Variants in TRIM33 observed in about 807,000 individuals in gnomAD.
TRIM33 encodes tripartite motif containing 33, also known as E3 ubiquitin-protein ligase TRIM33.
TRIM33 carries 20 observed loss-of-function variants against 125.4 expected under a neutral mutation model. The ratio of observed to expected loss-of-function variants is 0.16; its 90% CI spans 0.11 to 0.23. The LOEUF (loss-of-function observed/expected upper bound fraction) is 0.23. Ranked by LOEUF, TRIM33 falls within the 10% of genes least tolerant of loss-of-function variation. The pLI is 1.00. For synonymous variants in TRIM33, 564 were observed against 513.9 expected (o/e 1.10, Z -1.32); for missense variants, 920 against 1,411.4 (o/e 0.65, Z 5.58).
chr1:114,495,870 T>C (rs1488373736), intron 1 of TRIM33, among the ~76,000 whole-genome samples: 1 of 152,210 alleles, frequency 6.6e-6, no homozygotes, highest in African/African-American at 2.4e-5. Flanking sequence ...AAATATCTGG[T>C]TTACTGAAAT....
chr1:114,449,225 A>T (rs1255570271), intron 4 of TRIM33, among the ~76,000 whole-genome samples: 2 of 152,204 alleles, frequency 1.3e-5, no homozygotes, highest in Admixed American at 1.3e-4. Flanking sequence ...GAGATGTGAA[A>T]GAAAAAAAAA....
intron 11 of TRIM33, among the ~76,000 whole-genome samples, chr1:114,413,314 T>C (rs1652703846): frequency 6.6e-6 from 1 of 151,976 alleles, no homozygotes; most frequent in African/African-American, 2.4e-5. Flanking sequence ...ATCCCAGCAC[T>C]TTAGGAGGCC....
intron 1 of TRIM33, among the ~76,000 whole-genome samples, chr1:114,476,220 GAA>G (rs58538418): frequency 0.017 from 2,324 of 138,290 alleles, 49 homozygotes; most frequent in African/African-American, 0.052. Context: ...AAACAAATAA[GAA>G]AAAAAAAAAC....
chr1:114,441,422 T>C (rs1352098923), intron 4 of TRIM33, among the ~76,000 whole-genome samples: 2 of 152,352 alleles, frequency 1.3e-5, no homozygotes, highest in African/African-American at 2.4e-5. Flanking sequence ...TTCCTTTCCT[T>C]ACATTTTAAT....
intron 15 of TRIM33, chr1:114,404,457 A>T (rs963791117): frequency 2.0e-5 from 3 of 152,162 alleles, no homozygotes; most frequent in Non-Finnish European, 4.4e-5. Context: ...ATTTACGCCA[A>T]CATTTTACAA....
chr1:114,432,167 T>C (rs770587909), intron 5 of TRIM33, among the ~76,000 whole-genome samples: 1 of 152,230 alleles, frequency 6.6e-6, no homozygotes, highest in Non-Finnish European at 1.5e-5. Context: ...TGCAATCTTG[T>C]AACAGGTAAA....
rs115227797 is a variant in TRIM33 at position 114,396,455 on chromosome 1, C to G, written c.*1193G>C. 1 of 195,604 alleles carries G rather than the reference C, an allele frequency of 5.1e-6. No individual in the cohort carries two copies. The highest frequency in any genetic ancestry group is 1.1e-5 in the Non-Finnish European group (1 of 93,914). The allele number at this position is 195,604 out of a possible 1,614,324, so 12.1% of individuals were successfully genotyped here. On this transcript the variant is annotated 3_prime_UTR_variant, in exon 20 of 20. Coordinates refer to ENST00000358465, the MANE Select transcript of TRIM33 (RefSeq NM_015906.4). ...CCCCACCGGGTTTATTTCAATATTT[C>G]GATATTTCAATAATAAGCTGCTTCT... is the stretch of plus-strand genomic sequence containing the variant.
At chr1:114,443,417 GAAT>G (rs1362048062) in intron 4 of TRIM33, among the ~76,000 whole-genome samples, 2 of 151,986 alleles carry the variant, frequency 1.3e-5, no homozygotes, top group African/African-American at 4.8e-5. Flanking sequence ...ATGAATGAAT[GAAT>G]GAGATGGTGT....
chr1:114,486,755 G>T (rs1387993640), intron 1 of TRIM33, among the ~76,000 whole-genome samples: 1 of 152,040 alleles, frequency 6.6e-6, no homozygotes, highest in African/African-American at 2.4e-5. Flanking sequence ...CACCAGAGCT[G>T]CAGAGTTCCA....
At chr1:114,401,360 C>T (rs1263857411) in intron 17 of TRIM33, 29 bp downstream of exon 17, 1 of 1,594,730 alleles carries the variant, frequency 6.3e-7, no homozygotes, top group Non-Finnish European at 8.6e-7. Context: ...TGAGACTTCC[C>T]CACCGAGCTA....
intron 1 of TRIM33, among the ~76,000 whole-genome samples, chr1:114,486,474 A>C (rs1651694531): frequency 6.7e-6 from 1 of 149,232 alleles, no homozygotes; most frequent in African/African-American, 2.5e-5. Flanking sequence ...AATATACAAA[A>C]ATTAGCCGGT....
chr1:114,458,791 C>A (rs892641799), intron 4 of TRIM33, among the ~76,000 whole-genome samples: 16 of 152,134 alleles, frequency 1.1e-4, no homozygotes, highest in Non-Finnish European at 1.3e-4. Flanking sequence ...ATACTGAACA[C>A]TTAAACTTTG....
intron 5 of TRIM33, among the ~76,000 whole-genome samples, chr1:114,431,932 A>G (rs1262331410): frequency 6.6e-6 from 1 of 152,222 alleles, no homozygotes; most frequent in East Asian, 1.9e-4. Context: ...ATCACTAAGC[A>G]TGCTGAAAAC....
At position 114,510,800 on chromosome 1, in the gene TRIM33, C is replaced by T. The variant is rs1438314421; in HGVS notation, c.277G>A (p.Ala93Thr). 4.6e-6 allele frequency: 7 copies of T among 1,518,066 alleles called. No homozygotes were observed. The highest frequency in any genetic ancestry group is 6.1e-6 in the Non-Finnish European group (7 of 1,138,974). 94.0% of individuals were successfully genotyped at this position (1,518,066 alleles called of 1,614,324 possible). ...ASVGTGVAGG[A>T]VSTPAPAPAS... is the part of the protein sequence containing the mutation. ...GGAGCTGGAGCCGGCGTCGATACTGCGCCCCCGGCAACTCCAGTGCCCACT... is the reference window on the plus strand; with the variant it reads ...GGAGCTGGAGCCGGCGTCGATACTGTGCCCCCGGCAACTCCAGTGCCCACT... The change falls in exon 1 of 20, where the codon GCA (alanine) becomes ACA (threonine). Residue 93 changes from alanine (A) to threonine (T), a missense_variant. By Grantham distance (58) the Ala-to-Thr change is moderately conservative. Coordinates refer to ENST00000358465, the MANE Select transcript of TRIM33 (RefSeq NM_015906.4).
intron 4 of TRIM33, among the ~76,000 whole-genome samples, chr1:114,434,894 A>G (rs1226716196): frequency 2.0e-5 from 3 of 152,186 alleles, no homozygotes; most frequent in Non-Finnish European, 2.9e-5. Flanking sequence ...GAGACATGTA[A>G]ATACTTCAAT....
chr1:114,510,440 C>CG (rs1653274658), intron 1 of TRIM33, 111 bp downstream of exon 1: 1 of 1,065,332 alleles, frequency 9.4e-7, no homozygotes. Context: ...AGAGACCCCT[C>CG]GGGATGGCGC....
At chr1:114,454,412 A>G (rs1265252761) in intron 4 of TRIM33, among the ~76,000 whole-genome samples, 1 of 152,190 alleles carries the variant, frequency 6.6e-6, no homozygotes, top group Non-Finnish European at 1.5e-5. Flanking sequence ...TAGGCCAGGC[A>G]TGGTGGCTCA....
At chr1:114,401,787 A>T (rs957623444) in intron 16 of TRIM33, among the ~76,000 whole-genome samples, 6 of 152,250 alleles carry the variant, frequency 3.9e-5, no homozygotes, top group African/African-American at 1.4e-4. Flanking sequence ...TAAATAAATT[A>T]TCACTGTTGC....
At chr1:114,467,059 A>G (rs1010402672) in intron 1 of TRIM33, among the ~76,000 whole-genome samples, 2 of 152,232 alleles carry the variant, frequency 1.3e-5, no homozygotes, top group Non-Finnish European at 2.9e-5. Context: ...CGTAAATGCC[A>G]AGATCTGAAT....
Sources: allele counts gnomAD v4.1 joint callset (sites outside exome capture counted in the v4.1 genomes callset), GRCh38; gene constraint gnomAD v4.1.1; transcripts MANE v1.5; gene names NCBI Gene and HGNC (gene_info 2026-07-23, HGNC 2026-07-21).